CAB39: variants seen among roughly 807,000 people sequenced by gnomAD.
CAB39 encodes calcium binding protein 39.
Under a neutral mutation model 40.0 loss-of-function variants are expected in CAB39, and 8 were observed. The observed-to-expected ratio is 0.20, with a 90% CI of 0.12 to 0.36. CAB39 has a LOEUF of 0.36. Among genes scored for constraint, CAB39 ranks in the 10% least tolerant of loss-of-function variants. The probability of loss-of-function intolerance (pLI) is 1.00; values close to 1 mark genes in which losing one functional copy is unlikely to be tolerated. For missense variants in CAB39, 270 were observed against 401.1 expected (o/e 0.67, Z 2.79); for synonymous variants, 156 against 141.6 (o/e 1.10, Z -0.72).
chr2:230,818,443 A>C (rs1696443157), intron 8 of CAB39, 73 bp from the exon 9 acceptor site: 2 of 1,246,732 alleles, frequency 1.6e-6, no homozygotes, highest in African/African-American at 1.5e-5. Flanking sequence ...GCTTTTCTGC[A>C]CTGTGGCCGC....
At chr2:230,798,026 A>G (rs991085879) in intron 4 of CAB39, among the ~76,000 whole-genome samples, 2 of 152,134 alleles carry the variant, frequency 1.3e-5, no homozygotes, top group African/African-American at 2.4e-5. Flanking sequence ...CTGAAGGGGA[A>G]ATGCCTCTTG....
Position 230,817,749 on chromosome 2 carries a change from C to T in CAB39, c.694-5C>T, listed in dbSNP as rs1696427723. ...AACAAGGTAATTGTTTAAATGTCTT[C>T]TCAGCTTCTCGGTGAACTACTACTA... On this transcript the variant is annotated splice_polypyrimidine_tract_variant and splice_region_variant and intron_variant, in intron 7 of 8. Transcript: ENST00000258418. 2 of 1,572,668 alleles carry T rather than the reference C, an allele frequency of 1.3e-6. No homozygotes were observed. Among genetic ancestry groups the T allele is most frequent in the African/African-American group, 1.4e-5 (1 of 71,956 alleles).
intron 2 of CAB39, among the ~76,000 whole-genome samples, chr2:230,765,455 A>C (rs1016411945): frequency 1.3e-5 from 2 of 152,174 alleles, no homozygotes; most frequent in African/African-American, 4.8e-5. Flanking sequence ...GAGGACCTCA[A>C]GGGTCCGCAC....
At chr2:230,766,025 A>G (rs1695380184) in intron 2 of CAB39, among the ~76,000 whole-genome samples, 1 of 152,226 alleles carries the variant, frequency 6.6e-6, no homozygotes, top group Non-Finnish European at 1.5e-5. Flanking sequence ...TAGGAGGGAA[A>G]AACCCTGGAA....
At chr2:230,763,483 T>G (rs1216786196) in intron 2 of CAB39, among the ~76,000 whole-genome samples, 1 of 151,652 alleles carries the variant, frequency 6.6e-6, no homozygotes, top group Non-Finnish European at 1.5e-5. Flanking sequence ...TCCCAGCTAC[T>G]CAAAGAGACT....
intron 1 of CAB39, among the ~76,000 whole-genome samples, chr2:230,735,407 TC>T (rs1310646511): frequency 1.3e-5 from 2 of 152,164 alleles, no homozygotes; most frequent in Non-Finnish European, 2.9e-5. Flanking sequence ...CCTCAAGTGA[TC>T]CGTCCGCCTC....
intron 1 of CAB39, among the ~76,000 whole-genome samples, chr2:230,749,397 G>A (rs1388625044): frequency 6.6e-6 from 1 of 151,896 alleles, no homozygotes; most frequent in Non-Finnish European, 1.5e-5. Context: ...AGTAGGAAAT[G>A]ATCATGTATT....
chr2:230,783,836 A>G (rs1486125078), intron 2 of CAB39, among the ~76,000 whole-genome samples: 1 of 152,192 alleles, frequency 6.6e-6, no homozygotes, highest in Non-Finnish European at 1.5e-5. Context: ...CCTTGACTTC[A>G]TGGTATGATA....
rs79359906 is a variant in CAB39, at chr2:230,770,784, A to G, written c.114+10669A>G. On this transcript the variant is annotated intron_variant, in intron 2 of 8. Transcript: ENST00000258418. Reference sequence around the variant, plus strand: ...ACAAAGTTAATCAGTATAATTCACTATATTGAAAAAGTACATGTCAATTGA... The same window carrying G: ...ACAAAGTTAATCAGTATAATTCACTGTATTGAAAAAGTACATGTCAATTGA... 4.0e-3 allele frequency among the ~76,000 whole-genome samples: 613 copies of G among 152,300 alleles called. 1 individual carries two copies. The highest frequency in any genetic ancestry group is 0.014 in the African/African-American group (562 of 41,550).
At chr2:230,727,221 A>G (rs954209623) in intron 1 of CAB39, among the ~76,000 whole-genome samples, 2 of 150,408 alleles carry the variant, frequency 1.3e-5, no homozygotes, top group South Asian at 2.1e-4. Flanking sequence ...TTAATAATAT[A>G]TGTAAATATT....
At chr2:230,748,827 AAAAAATATATATATATATATATAT>A (rs1301769237) in intron 1 of CAB39, among the ~76,000 whole-genome samples, 1 of 56,496 alleles carries the variant, frequency 1.8e-5, no homozygotes, top group African/African-American at 5.8e-5. Context: ...AAAAAAAAAA[AAAAAATATATATATATATATATAT>A]ATATATATAT....
chr2:230,806,756 G>T (rs992743044), intron 5 of CAB39, among the ~76,000 whole-genome samples: 1 of 152,210 alleles, frequency 6.6e-6, no homozygotes, highest in Non-Finnish European at 1.5e-5. Flanking sequence ...CTCACTGTAA[G>T]AACTCCAGAG....
At chr2:230,716,629 T>A (rs1694354584) in intron 1 of CAB39, among the ~76,000 whole-genome samples, 1 of 152,246 alleles carries the variant, frequency 6.6e-6, no homozygotes, top group Non-Finnish European at 1.5e-5. Context: ...CTTGAACTCC[T>A]GGGCTTATGC....
intron 1 of CAB39, among the ~76,000 whole-genome samples, chr2:230,733,111 A>C (rs1231509880): frequency 1.3e-5 from 2 of 152,240 alleles, no homozygotes; most frequent in Admixed American, 6.5e-5. Flanking sequence ...TTGACTAGTC[A>C]TAGGGGAGTC....
chr2:230,755,696 C>T (rs1191006863), intron 1 of CAB39, among the ~76,000 whole-genome samples: 1 of 152,048 alleles, frequency 6.6e-6, no homozygotes, highest in Non-Finnish European at 1.5e-5. Context: ...GGTTTTTGGT[C>T]AAGGAATTTG....
chr2:230,789,938 C>A (rs373059630), intron 2 of CAB39, among the ~76,000 whole-genome samples: 1 of 152,100 alleles, frequency 6.6e-6, no homozygotes. Context: ...TCCACTGTTT[C>A]AAAGTCATTG....
intron 2 of CAB39, among the ~76,000 whole-genome samples, chr2:230,790,229 C>G (rs931265833): frequency 2.0e-5 from 3 of 149,182 alleles, no homozygotes; most frequent in Non-Finnish European, 1.5e-5. Context: ...GGCGACAGCA[C>G]GAGACCCTGT....
At chr2:230,759,240 G>A (rs191225273) in intron 1 of CAB39, among the ~76,000 whole-genome samples, 1 of 152,268 alleles carries the variant, frequency 6.6e-6, no homozygotes, top group Admixed American at 6.5e-5. Context: ...CTGAGACCCT[G>A]TGACTGCCTG....
At chr2:230,808,727 G>A (rs1696249268) in intron 5 of CAB39, among the ~76,000 whole-genome samples, 1 of 152,146 alleles carries the variant, frequency 6.6e-6, no homozygotes, top group Non-Finnish European at 1.5e-5. Flanking sequence ...TTATGATCAG[G>A]AAATATAACA....
Sources: gnomAD v4.1 joint callset for allele counts (sites outside exome capture counted in the v4.1 genomes callset) on GRCh38, gnomAD v4.1.1 for gene constraint, MANE v1.5 for transcripts, NCBI Gene and HGNC (gene_info 2026-07-23, HGNC 2026-07-21) for gene names.